The following SAMD4A variants were observed in gnomAD, a reference collection of about 807,000 sequenced individuals.
SAMD4A encodes the protein sterile alpha motif domain containing 4A.
Under a neutral mutation model 81.3 loss-of-function variants are expected in SAMD4A, and 33 were observed. That is an observed-to-expected ratio of 0.41 (90% CI 0.31 to 0.54). The LOEUF (loss-of-function observed/expected upper bound fraction) is 0.54. SAMD4A is among the 20% of genes least tolerant of loss of function. SAMD4A has a pLI of 0.37. For missense variants in SAMD4A, 854 were observed against 951.1 expected, an observed-to-expected ratio of 0.90 and a Z score of 1.34; for synonymous variants, 389 against 382.1, an observed-to-expected ratio of 1.02 and a Z score of -0.21.
chr14:54,596,078 G>A (rs2033902965), intron 2 of SAMD4A, among the ~76,000 whole-genome samples: 2 of 152,204 alleles, frequency 1.3e-5, no homozygotes, highest in South Asian at 4.1e-4. Context: ...TCAATTTAGT[G>A]TGGTAACTAG....
intron 2 of SAMD4A, among the ~76,000 whole-genome samples, chr14:54,650,097 C>T (rs2035371944): frequency 6.6e-6 from 1 of 152,182 alleles, no homozygotes; most frequent in Non-Finnish European, 1.5e-5. Context: ...CCACTTACCT[C>T]CTCTAATTCA....
chr14:54,695,884 C>T (rs2036562249), intron 2 of SAMD4A, among the ~76,000 whole-genome samples: 1 of 141,160 alleles, frequency 7.1e-6, no homozygotes, highest in African/African-American at 2.7e-5. Context: ...ACCCAGGAGG[C>T]GGAGGTTACA....
At chr14:54,718,554 T>TTTTTTGTTG (rs1555346817) in intron 3 of SAMD4A, among the ~76,000 whole-genome samples, 22 of 134,754 alleles carry the variant, frequency 1.6e-4, no homozygotes, top group Non-Finnish European at 2.6e-4. Context: ...TTTTGGGTTT[T>TTTTTTGTTG]TTGTTGTTGT....
chr14:54,730,892 C>T (rs756985790), intron 3 of SAMD4A, among the ~76,000 whole-genome samples: 21 of 152,286 alleles, frequency 1.4e-4, no homozygotes, highest in African/African-American at 4.3e-4. Context: ...GGTTGTGACA[C>T]CACAAAACCA....
chr14:54,652,640 C>T (rs2035428667), intron 2 of SAMD4A: 1 of 152,036 alleles, frequency 6.6e-6, no homozygotes, highest in African/African-American at 2.4e-5. Flanking sequence ...TAGCCTCACC[C>T]AGAATCTTTT....
intron 3 of SAMD4A, among the ~76,000 whole-genome samples, chr14:54,720,771 C>G: frequency 6.6e-6 from 1 of 152,178 alleles, no homozygotes; most frequent in East Asian, 1.9e-4. Flanking sequence ...GGCTTAGCAC[C>G]AGGTTCCCCA....
At chr14:54,659,399 T>C (rs1397932408) in intron 2 of SAMD4A, among the ~76,000 whole-genome samples, 2 of 152,208 alleles carry the variant, frequency 1.3e-5, no homozygotes, top group Non-Finnish European at 2.9e-5. Context: ...TGTGTGTGTG[T>C]GTGCGTGCGC....
intron 2 of SAMD4A, among the ~76,000 whole-genome samples, chr14:54,699,869 G>A (rs755792851): frequency 6.6e-6 from 1 of 152,118 alleles, no homozygotes; most frequent in Non-Finnish European, 1.5e-5. Flanking sequence ...TGGCAATTCT[G>A]TTCTTCTCCA....
chr14:54,610,708 G>T (rs1429609373), intron 2 of SAMD4A, among the ~76,000 whole-genome samples: 4 of 152,184 alleles, frequency 2.6e-5, no homozygotes, highest in African/African-American at 9.7e-5. Context: ...AGACAGTTCA[G>T]TTCTCCTGTG....
chr14:54,774,411 A>T (rs2038782503), intron 9 of SAMD4A, among the ~76,000 whole-genome samples: 1 of 152,308 alleles, frequency 6.6e-6, no homozygotes, highest in Non-Finnish European at 1.5e-5. Flanking sequence ...AACTGTCAAA[A>T]TGTGAGCAGA....
At chr14:54,775,542 A>G (rs1239976436) in intron 10 of SAMD4A, among the ~76,000 whole-genome samples, 1 of 152,174 alleles carries the variant, frequency 6.6e-6, no homozygotes, top group African/African-American at 2.4e-5. Flanking sequence ...TGGAGCATCC[A>G]CAGGACAAAG....
intron 2 of SAMD4A, among the ~76,000 whole-genome samples, chr14:54,662,843 G>A (rs897100299): frequency 6.6e-6 from 1 of 152,152 alleles, no homozygotes; most frequent in Non-Finnish European, 1.5e-5. Context: ...CACACCCCAC[G>A]TTGACCCCCA....
chr14:54,770,371 A>G, intron 9 of SAMD4A, 149 bp downstream of exon 9: 1 of 638,406 alleles, frequency 1.6e-6, no homozygotes, highest in Non-Finnish European at 2.8e-6. Context: ...TTGCTTAAAC[A>G]GGTGGGGCTG....
Position 54,789,453 on chromosome 14 carries a change from G to T in SAMD4A, c.*509G>T, listed in dbSNP as rs550262550. 1 of 155,908 alleles carries T rather than the reference G, an allele frequency of 6.4e-6. No individual in the cohort carries two copies. The highest frequency in any genetic ancestry group is 1.9e-4 in the East Asian group (1 of 5,318). 9.7% of individuals were successfully genotyped at this position (155,908 alleles called of 1,614,324 possible). A position where few individuals can be genotyped will look rare whatever the true frequency, so the allele number is the denominator to read the frequency against. On this transcript the variant is annotated 3_prime_UTR_variant, in exon 13 of 13. Coordinates refer to ENST00000554335, the MANE Select transcript of SAMD4A (RefSeq NM_015589.6). ...CTAATCCTGATTGGATGTCCCTGAG[G>T]CCCCTGCTGGAAACAGCCATAGGAG...
intron 4 of SAMD4A, among the ~76,000 whole-genome samples, chr14:54,741,555 G>A (rs1047921531): frequency 6.6e-6 from 1 of 152,126 alleles, no homozygotes; most frequent in Non-Finnish European, 1.5e-5. Context: ...GGGCAGACAG[G>A]GCTGAGAGCT....
At chr14:54,658,369 T>C (rs1284157789) in intron 2 of SAMD4A, among the ~76,000 whole-genome samples, 1 of 152,060 alleles carries the variant, frequency 6.6e-6, no homozygotes, top group African/African-American at 2.4e-5. Flanking sequence ...AAGGCCAAGG[T>C]ATCAGACCAC....
At chr14:54,656,165 C>G (rs1178834266) in intron 2 of SAMD4A, among the ~76,000 whole-genome samples, 2 of 152,174 alleles carry the variant, frequency 1.3e-5, no homozygotes, top group Non-Finnish European at 2.9e-5. Context: ...TACCCTTTAA[C>G]TTTCCTTACT....
intron 11 of SAMD4A, among the ~76,000 whole-genome samples, chr14:54,782,167 A>C (rs979801471): frequency 6.6e-6 from 1 of 152,104 alleles, no homozygotes; most frequent in Non-Finnish European, 1.5e-5. Context: ...GGAAAATGGC[A>C]TTTTGCTGCG....
intron 4 of SAMD4A, among the ~76,000 whole-genome samples, chr14:54,745,921 T>A (rs916368407): frequency 1.3e-5 from 2 of 152,202 alleles, no homozygotes; most frequent in African/African-American, 4.8e-5. Context: ...CTTCACAGAA[T>A]GTAAAAGGTA....
Sources: allele counts gnomAD v4.1 joint callset (sites outside exome capture counted in the v4.1 genomes callset), GRCh38; gene constraint gnomAD v4.1.1; transcripts MANE v1.5; gene names NCBI Gene and HGNC (gene_info 2026-07-23, HGNC 2026-07-21).